The following LRRIQ1 variants were observed in gnomAD, a reference collection of about 807,000 sequenced individuals.
LRRIQ1 encodes the protein leucine-rich repeat- and IQ domain-containing protein 1.
LRRIQ1 carries 210 observed loss-of-function variants against 211.9 expected under a neutral mutation model. The ratio of observed to expected loss-of-function variants is 0.99; its 90% CI spans 0.89 to 1.11. The LOEUF (loss-of-function observed/expected upper bound fraction) is 1.11. Among genes scored for constraint, LRRIQ1 ranks in the 50% most tolerant of loss-of-function variants. LRRIQ1 has a pLI of 0.00. For missense variants in LRRIQ1, 2,136 were observed against 1,939.5 expected (o/e 1.10, Z -1.90); for synonymous variants, 699 against 650.1 (o/e 1.08, Z -1.14).
At chr12:85,178,991 A>G (rs186641154) in intron 24 of LRRIQ1, among the ~76,000 whole-genome samples, 147 of 151,952 alleles carry the variant, frequency 9.7e-4, no homozygotes, top group African/African-American at 3.3e-3. Context: ...AGGAGTGTAC[A>G]ACACACCTAT....
In LRRIQ1 at chr12:85,154,051, G is replaced by A. The variant is rs752602706; in HGVS notation, c.4677G>A (p.Lys1559=). The A allele has an allele frequency of 2.5e-6, 4 of 1,570,520 alleles. No homozygotes were observed. Among genetic ancestry groups the A allele is most frequent in the Non-Finnish European group, 3.5e-6 (4 of 1,157,898 alleles). ...TTTCTACTGCTCAGCAAATGTTGAA[G>A]AGGGCACAGAAAATGAAATCGAAGA... is the stretch of plus-strand genomic sequence containing the variant. The part of the protein sequence containing the change: ...KDISTAQQML[K]RAQKMKSKKL... The change falls in exon 23 of 27, where the codon AAG becomes AAA. Residue 1559 remains lysine, a synonymous_variant. Transcript: ENST00000393217.
At chr12:85,144,599 C>T (rs1264529761) in intron 19 of LRRIQ1, among the ~76,000 whole-genome samples, 1 of 150,942 alleles carries the variant, frequency 6.6e-6, no homozygotes, top group Non-Finnish European at 1.5e-5. Flanking sequence ...AGGAAATCAG[C>T]GTAATAAAGG....
At chr12:85,162,384 T>A (rs1370674250) in intron 24 of LRRIQ1, among the ~76,000 whole-genome samples, 2 of 152,184 alleles carry the variant, frequency 1.3e-5, no homozygotes, top group Admixed American at 1.3e-4. Context: ...ATGTAGAAAT[T>A]CTGCTAAAAT....
intron 21 of LRRIQ1, among the ~76,000 whole-genome samples, 178 bp downstream of exon 21, chr12:85,153,323 T>C (rs1232429296): frequency 6.6e-6 from 1 of 151,506 alleles, no homozygotes; most frequent in Non-Finnish European, 1.5e-5. Flanking sequence ...ATGAATGAAG[T>C]AGGTACATTA....
At chr12:85,138,913 C>T (rs574507203) in intron 19 of LRRIQ1, among the ~76,000 whole-genome samples, 4 of 151,518 alleles carry the variant, frequency 2.6e-5, no homozygotes, top group South Asian at 2.1e-4. Context: ...TCATGGTAGT[C>T]TTACGTAGCA....
At chr12:85,145,192 C>T (rs1374489197) in intron 19 of LRRIQ1, among the ~76,000 whole-genome samples, 2 of 151,384 alleles carry the variant, frequency 1.3e-5, no homozygotes, top group African/African-American at 4.8e-5. Flanking sequence ...GGTAAATAGA[C>T]AGAAAAAACA....
intron 24 of LRRIQ1, among the ~76,000 whole-genome samples, chr12:85,213,249 A>T (rs1190084478): frequency 2.0e-5 from 3 of 151,946 alleles, no homozygotes; most frequent in Non-Finnish European, 4.4e-5. Flanking sequence ...ATTACCAAAC[A>T]TAAAGAGCAG....
At chr12:85,186,842 A>G (rs1484384328) in intron 24 of LRRIQ1, among the ~76,000 whole-genome samples, 2 of 151,736 alleles carry the variant, frequency 1.3e-5, no homozygotes, top group Non-Finnish European at 2.9e-5. Context: ...CCTTAATCCT[A>G]CAATATCTAG....
chr12:85,074,459 T>C (rs990107476), intron 11 of LRRIQ1, among the ~76,000 whole-genome samples: 1 of 151,986 alleles, frequency 6.6e-6, no homozygotes, highest in African/African-American at 2.4e-5. Flanking sequence ...AATTACAATC[T>C]TTTAGTTATA....
intron 24 of LRRIQ1, among the ~76,000 whole-genome samples, chr12:85,195,730 G>A (rs1892868891): frequency 1.3e-5 from 2 of 152,114 alleles, no homozygotes; most frequent in African/African-American, 4.8e-5. Context: ...TACGGAATGG[G>A]CAAAAACTGG....
At chr12:85,266,951 A>G (rs572494106), downstream of LRRIQ1, among the ~76,000 whole-genome samples, 1 of 152,242 alleles carries the variant, frequency 6.6e-6, no homozygotes, top group Admixed American at 6.5e-5. Flanking sequence ...GCACTCCTAC[A>G]TTTTAGGAAG....
At chr12:85,220,448 T>A (rs1031517224) in intron 24 of LRRIQ1, among the ~76,000 whole-genome samples, 1 of 151,966 alleles carries the variant, frequency 6.6e-6, no homozygotes, top group Admixed American at 6.6e-5. Flanking sequence ...ACTTTTGTTG[T>A]GCTTTTCATG....
At chr12:85,076,271 A>T (rs191219055) in intron 11 of LRRIQ1, among the ~76,000 whole-genome samples, 11 of 152,038 alleles carry the variant, frequency 7.2e-5, no homozygotes, top group African/African-American at 2.6e-4. Flanking sequence ...TATCATAGTG[A>T]TATACATTTT....
At chr12:85,155,098 C>G (rs1414906426) in intron 23 of LRRIQ1, among the ~76,000 whole-genome samples, 1 of 151,420 alleles carries the variant, frequency 6.6e-6, no homozygotes, top group African/African-American at 2.4e-5. Context: ...TGGCACATCA[C>G]TGACTAGCCA....
intron 25 of LRRIQ1, among the ~76,000 whole-genome samples, chr12:85,230,766 T>G (rs2137188187): frequency 6.6e-6 from 1 of 152,248 alleles, no homozygotes; most frequent in East Asian, 1.9e-4. Context: ...AAATGTAAGC[T>G]TGGCCGGGCG....
intron 23 of LRRIQ1, among the ~76,000 whole-genome samples, chr12:85,157,721 G>T (rs372358386): frequency 1.3e-4 from 19 of 151,910 alleles, no homozygotes; most frequent in African/African-American, 4.6e-4. Context: ...AAGGGAGTGG[G>T]TGTTTGGTTT....
chr12:85,197,300 C>A (rs1250772206), intron 24 of LRRIQ1, among the ~76,000 whole-genome samples: 1 of 151,562 alleles, frequency 6.6e-6, no homozygotes, highest in Non-Finnish European at 1.5e-5. Context: ...ACTGGAAATA[C>A]CATTTGACCC....
chr12:85,213,885 G>T (rs1327889502), intron 24 of LRRIQ1, among the ~76,000 whole-genome samples: 1 of 151,854 alleles, frequency 6.6e-6, no homozygotes, highest in Admixed American at 6.6e-5. Context: ...TGCAACCCTG[G>T]CAAGTTTGAT....
In LRRIQ1 at chr12:85,124,394, A is replaced by C; in HGVS notation, c.3882A>C (p.Leu1294Phe). ...ENMEGRHQEI[L>F]VCQKREDSKA... ...TGGAAGGAAGACATCAGGAAATATT[A>C]GTATGTCAGAAGAGAGAAGACAGCA... The change falls in exon 17 of 27, where the codon TTA becomes TTC. Residue 1294 changes from leucine (L) to phenylalanine (F), a missense_variant. Physicochemically the swap from Leu to Phe is conservative, Grantham distance 22. Coordinates refer to ENST00000393217, the MANE Select transcript of LRRIQ1 (RefSeq NM_001079910.2). The C allele has an allele frequency of 1.2e-6, 2 of 1,614,116 alleles. No homozygotes were observed. Among genetic ancestry groups the C allele is most frequent in the Non-Finnish European group, 1.7e-6 (2 of 1,180,024 alleles).
Sources: allele counts gnomAD v4.1 joint callset (sites outside exome capture counted in the v4.1 genomes callset), GRCh38; gene constraint gnomAD v4.1.1; transcripts MANE v1.5; gene names NCBI Gene and HGNC (gene_info 2026-07-23, HGNC 2026-07-21).